Variants in PDE4C observed in about 807,000 individuals in gnomAD.
The protein encoded by PDE4C is phosphodiesterase 4C.
A neutral mutation model predicts 63.9 loss-of-function variants in PDE4C; 50 were observed. The ratio of observed to expected loss-of-function variants is 0.78; its 90% CI spans 0.62 to 0.99. The LOEUF (loss-of-function observed/expected upper bound fraction) is 0.99. PDE4C is among the 50% of genes least tolerant of loss of function. The pLI is 0.00. For missense variants in PDE4C, 777 were observed against 899.1 expected, an observed-to-expected ratio of 0.86 and a Z score of 1.74; for synonymous variants, 377 against 385.1, an observed-to-expected ratio of 0.98 and a Z score of 0.25.
intron 11 of PDE4C, 43 bp from the exon 12 acceptor site, chr19:18,216,938 C>A: frequency 1.3e-6 from 2 of 1,554,688 alleles, no homozygotes; most frequent in Non-Finnish European, 1.7e-6. Context: ...CCACCCGCCC[C>A]ACCCACTCTA....
intron 1 of PDE4C, among the ~76,000 whole-genome samples, chr19:18,222,628 CTT>C (rs757844045): frequency 1.3e-4 from 17 of 126,348 alleles, no homozygotes; most frequent in African/African-American, 2.0e-4. Context: ...TTTTTTCTCT[CTT>C]TCTTTTTTTT....
At chr19:18,255,360 T>C in the PDE4C span, 1 of 398,688 alleles carries the variant, frequency 2.5e-6, no homozygotes, top group Non-Finnish European at 4.4e-6. This position sits in a 1 kb window ranked among gnomAD's most constrained non-coding sequence, Gnocchi z 4.6. Context: ...TGGCCAGGTG[T>C]GTGCCCAGGT....
intron 1 of PDE4C, among the ~76,000 whole-genome samples, chr19:18,242,408 G>A (rs1224783769): frequency 1.3e-5 from 2 of 148,208 alleles, no homozygotes; most frequent in Non-Finnish European, 3.0e-5. Context: ...CCCGAGAGGC[G>A]GAGGCTGCAG....
the PDE4C span, among the ~76,000 whole-genome samples, chr19:18,254,707 G>C: frequency 6.6e-6 from 1 of 152,190 alleles, no homozygotes; most frequent in African/African-American, 2.4e-5. Flanking sequence ...ATAGTGGCAG[G>C]TAAAGGGCAG....
upstream of PDE4C, among the ~76,000 whole-genome samples, chr19:18,249,733 C>G (rs1969207045): frequency 6.6e-6 from 1 of 151,930 alleles, no homozygotes; most frequent in Non-Finnish European, 1.5e-5. Context: ...CCACCACGCT[C>G]AGCTAATTTT....
chr19:18,241,403 A>T (rs540473333), intron 1 of PDE4C, among the ~76,000 whole-genome samples: 3 of 150,338 alleles, frequency 2.0e-5, no homozygotes, highest in Admixed American at 2.0e-4. Context: ...AGTAGCCGGG[A>T]TTACAGGCAC....
chr19:18,252,256 T>G, upstream of PDE4C: 1 of 399,098 alleles, frequency 2.5e-6, no homozygotes, highest in East Asian at 3.6e-5. Context: ...GAGGAGGGTA[T>G]CATCCTTGAA....
At position 18,218,131 on chromosome 19, in the gene PDE4C, C is replaced by T. The variant is rs770701761; in HGVS notation, c.1234+18G>A. 2 of 1,594,942 alleles carry T rather than the reference C, an allele frequency of 1.3e-6. No homozygotes were observed. The highest frequency in any genetic ancestry group is 1.7e-6 in the Non-Finnish European group (2 of 1,163,078). On this transcript the variant is annotated intron_variant, in intron 11 of 14. Coordinates refer to ENST00000262805, the Ensembl canonical transcript of PDE4C. Reference sequence around the variant, plus strand: ...GGGTCCACCTCTTCTCCTGCACCCACTTCCCACTCCTACTTACTGGTGTTA... The same window carrying T: ...GGGTCCACCTCTTCTCCTGCACCCATTTCCCACTCCTACTTACTGGTGTTA...
At chr19:18,211,013 G>A (rs1600051739) in exon 15 of PDE4C, 5 of 1,614,230 alleles carry the variant, frequency 3.1e-6, no homozygotes, top group Non-Finnish European at 3.4e-6. Flanking sequence ...GCAACTCCAA[G>A]GCCTCTTTGG....
chr19:18,211,784 T>C (rs1224655717), exon 14 of PDE4C: 3 of 1,614,106 alleles, frequency 1.9e-6, no homozygotes, highest in South Asian at 1.1e-5. Flanking sequence ...TGAGGCCGTA[T>C]GCTTGTCACA....
chr19:18,229,704 A>T (rs1968811840), upstream of PDE4C, among the ~76,000 whole-genome samples: 1 of 151,928 alleles, frequency 6.6e-6, no homozygotes, highest in South Asian at 2.1e-4. Flanking sequence ...GAGAGGGGAG[A>T]TGACTTGCCC....
exon 10 of PDE4C, chr19:18,218,355 C>T: frequency 6.2e-7 from 1 of 1,614,244 alleles, no homozygotes; most frequent in Non-Finnish European, 8.5e-7. Flanking sequence ...GCGTAGCCAG[C>T]AGCACATGCG....
At chr19:18,210,189 A>AT (rs987148140), downstream of PDE4C, 13 of 141,488 alleles carry the variant, frequency 9.2e-5, no homozygotes, top group African/African-American at 1.3e-4. Flanking sequence ...TGCCTGGCTA[A>AT]TTTTTTTTTT....
Position 18,239,479 on chromosome 19 carries a change from G to T in PDE4C, c.-209-6079C>A, listed in dbSNP as rs187645437. ...CCATCTGGGAAATGGAGGCGAAAGG[G>T]GTACGGATCCCTCAGAGGTGTTGAT... is the stretch of plus-strand genomic sequence containing the variant. On this transcript the variant is annotated intron_variant, in intron 1 of 15. Transcript: ENST00000594617. Among the ~76,000 whole-genome samples the T allele has an allele frequency of 4.4e-3, 672 of 152,270 alleles. 5 individuals carry two copies. Among genetic ancestry groups the T allele is most frequent in the Middle Eastern group, 0.014 (4 of 294 alleles).
Position 18,213,351 on chromosome 19 carries a change from C to T in PDE4C, c.1512+17G>A, listed in dbSNP as rs1318020390. The T allele has an allele frequency of 4.4e-6, 7 of 1,605,778 alleles. No homozygotes were observed. Among genetic ancestry groups the T allele is most frequent in the Admixed American group, 1.7e-5 (1 of 59,030 alleles). ...AAAATTTAAAAAGGAAGCCCCAGTG[C>T]CCATCCAGCTACACACCTGGATTCG... On this transcript the variant is annotated intron_variant, in intron 13 of 14. Coordinates refer to ENST00000262805, the Ensembl canonical transcript of PDE4C.
At chr19:18,226,427 C>G in exon 1 of PDE4C, 1 of 1,409,918 alleles carries the variant, frequency 7.1e-7, no homozygotes, top group South Asian at 1.5e-5. Context: ...GCCAGGACTG[C>G]GTGGAGGCTG....
chr19:18,220,547 ACC>A lies in PDE4C; in HGVS notation c.500-34_500-33del, dbSNP rs5827400. The A allele has an allele frequency of 1.3e-6, 2 of 1,555,322 alleles. No homozygotes were observed. ...GCCGAGGCAGTCAGGGGCCTGCCCA[ACC>A]CCCCCGCTCAGGGACCCCACGCCTC... On this transcript the variant is annotated intron_variant, in intron 5 of 14. Coordinates refer to ENST00000262805, the Ensembl canonical transcript of PDE4C. This position sits in a 1 kb window ranked among gnomAD's most constrained non-coding sequence, Gnocchi z 5.1.
upstream of PDE4C, among the ~76,000 whole-genome samples, chr19:18,234,870 C>T (rs574894567): frequency 5.9e-5 from 9 of 152,266 alleles, no homozygotes; most frequent in African/African-American, 2.2e-4. Flanking sequence ...CCTCTCTGTT[C>T]TATGCTTGGG....
chr19:18,231,410 G>A (rs754410429), upstream of PDE4C, among the ~76,000 whole-genome samples: 2 of 152,242 alleles, frequency 1.3e-5, no homozygotes, highest in Non-Finnish European at 2.9e-5. Context: ...AAAATCATGA[G>A]TCACCAGAAG....
Sources: allele counts gnomAD v4.1 joint callset (sites outside exome capture counted in the v4.1 genomes callset), GRCh38; gene constraint gnomAD v4.1.1; non-coding constraint Gnocchi (gnomAD v3.1); transcripts MANE v1.5; gene names NCBI Gene and HGNC (gene_info 2026-07-23, HGNC 2026-07-21).